The following FMN1 variants were observed in gnomAD, a reference collection of about 807,000 sequenced individuals.
The protein encoded by FMN1 is formin-1.
A neutral mutation model predicts 132.4 loss-of-function variants in FMN1; 110 were observed. That is an observed-to-expected ratio of 0.83 (90% CI 0.71 to 0.97). The LOEUF (loss-of-function observed/expected upper bound fraction) is 0.97, where lower values mean the gene tolerates loss of function less well. FMN1 is among the 50% of genes least tolerant of loss of function. The pLI, the probability that FMN1 is intolerant of heterozygous loss-of-function variation, is 0.00. For synonymous variants in FMN1, 722 were observed against 651.7 expected (o/e 1.11, Z -1.64); for missense variants, 1,792 against 1,705.3 (o/e 1.05, Z -0.90).
intron 9 of FMN1, among the ~76,000 whole-genome samples, chr15:32,947,878 AT>A (rs1394899837): frequency 3.9e-5 from 6 of 151,962 alleles, no homozygotes; most frequent in Non-Finnish European, 8.8e-5. Context: ...GTCAATACAG[AT>A]TTTCTATGCT....
chr15:32,941,091 G>T (rs2061391816), intron 9 of FMN1, among the ~76,000 whole-genome samples: 1 of 152,096 alleles, frequency 6.6e-6, no homozygotes, highest in Admixed American at 6.6e-5. Flanking sequence ...AAATCAAGCT[G>T]CAGGAACCAA....
intron 17 of FMN1, among the ~76,000 whole-genome samples, chr15:32,815,529 T>C (rs1215690713): frequency 6.6e-6 from 1 of 152,202 alleles, no homozygotes; most frequent in African/African-American, 2.4e-5. Flanking sequence ...TTGAAAACTA[T>C]GGAGCTATAC....
At chr15:33,001,895 A>C (rs1267482150) in intron 7 of FMN1, among the ~76,000 whole-genome samples, 2 of 151,762 alleles carry the variant, frequency 1.3e-5, no homozygotes, top group Non-Finnish European at 2.9e-5. Flanking sequence ...TGGAATAAAA[A>C]CCCTAAGCTC....
At position 32,772,453 on chromosome 15, in the gene FMN1, C is replaced by T. The variant is rs28696324; in HGVS notation, c.*1857G>A. 0.57 allele frequency: 86,075 copies of T among 152,036 alleles called. 24,783 individuals carry two copies. The highest frequency in any genetic ancestry group is 0.77 in the East Asian group (3,974 of 5,176). 9.4% of individuals were successfully genotyped at this position (152,036 alleles called of 1,614,324 possible). A position where few individuals can be genotyped will look rare whatever the true frequency, so the allele number is the denominator to read the frequency against. ...AGCATACAATGGTTATAAGTGGAAT[C>T]AGTTTTTAATTGATCCGTTCTTTTG... On this transcript the variant is annotated 3_prime_UTR_variant, in exon 21 of 21. Coordinates refer to ENST00000616417, the MANE Select transcript of FMN1 (RefSeq NM_001277313.2).
chr15:33,157,221 C>T lies in FMN1; in HGVS notation c.-131-2176G>A, dbSNP rs547510939. Reference sequence around the variant, plus strand: ...CCAAGGTTGCAGTGAGCTGACATCGCGCCACTGCACTCCAGCCTGGTGACA... The same window carrying T: ...CCAAGGTTGCAGTGAGCTGACATCGTGCCACTGCACTCCAGCCTGGTGACA... On this transcript the variant is annotated intron_variant, in intron 3 of 20. Coordinates refer to ENST00000616417, the MANE Select transcript of FMN1 (RefSeq NM_001277313.2). Among the ~76,000 whole-genome samples the T allele has an allele frequency of 2.7e-3, 398 of 149,414 alleles. 2 individuals are homozygous for T. The highest frequency in any genetic ancestry group is 9.2e-3 in the African/African-American group (373 of 40,500).
chr15:32,993,078 C>G (rs980141338), intron 7 of FMN1, among the ~76,000 whole-genome samples: 1 of 152,292 alleles, frequency 6.6e-6, no homozygotes, highest in Middle Eastern at 3.4e-3. Context: ...CTCCTAGGGA[C>G]AATGCCTTGT....
In FMN1 at chr15:32,776,857, T is replaced by C. The variant is rs1238446144; in HGVS notation, c.4193A>G (p.Lys1398Arg). 1 of 1,593,468 alleles carries C rather than the reference T, an allele frequency of 6.3e-7. No individual in the cohort carries two copies. Among genetic ancestry groups the C allele is most frequent in the Non-Finnish European group, 8.6e-7 (1 of 1,167,332 alleles). ...LTSEKKVETK[K>R]INPTASLKER... ...CACCAGGCTAGCAGTGGGATTGATT[T>C]TCTTTGTCTCCACTTTCTTCTCTGA... Residue 1398 changes from lysine (K) to arginine (R), a missense_variant, in exon 20 of 21, where the codon AAA (lysine) becomes AGA (arginine). Transcript: ENST00000616417.
At chr15:33,115,257 G>A (rs759543752) in intron 4 of FMN1, among the ~76,000 whole-genome samples, 25 of 152,166 alleles carry the variant, frequency 1.6e-4, no homozygotes, top group Non-Finnish European at 3.5e-4. Context: ...TATAAGGAGG[G>A]TGGGAGGCTA....
chr15:33,041,720 A>C (rs1019884002), intron 6 of FMN1, among the ~76,000 whole-genome samples: 3 of 152,146 alleles, frequency 2.0e-5, no homozygotes, highest in Non-Finnish European at 2.9e-5. Flanking sequence ...AGTGTTGTCA[A>C]GGATATGAAA....
At chr15:33,098,863 T>C (rs568568841) in intron 4 of FMN1, among the ~76,000 whole-genome samples, 2 of 152,188 alleles carry the variant, frequency 1.3e-5, no homozygotes, top group Admixed American at 6.5e-5. Flanking sequence ...AGGCCTAAGG[T>C]TGGTAAGGGC....
At chr15:32,932,893 A>G (rs1238183823) in intron 9 of FMN1, among the ~76,000 whole-genome samples, 2 of 151,982 alleles carry the variant, frequency 1.3e-5, no homozygotes, top group African/African-American at 2.4e-5. Flanking sequence ...TCCTTAATTT[A>G]GCTAATGATT....
chr15:33,046,649 T>A (rs973100465), intron 6 of FMN1, among the ~76,000 whole-genome samples: 1 of 152,112 alleles, frequency 6.6e-6, no homozygotes, highest in Non-Finnish European at 1.5e-5. Flanking sequence ...AGAGCTATGG[T>A]ATGGCAAACA....
Position 33,190,656 on chromosome 15 carries a change from C to A in FMN1, c.-197+3253G>T, listed in dbSNP as rs140955966. Among the ~76,000 whole-genome samples, 578 of 152,256 alleles carry A rather than the reference C, an allele frequency of 3.8e-3. 4 individuals carry two copies. Among genetic ancestry groups the A allele is most frequent in the African/African-American group, 0.013 (537 of 41,542 alleles). On this transcript the variant is annotated intron_variant, in intron 2 of 20. Coordinates refer to ENST00000616417, the MANE Select transcript of FMN1 (RefSeq NM_001277313.2). ...ATTTCTAGACTACTAGTCTTCAGAT[C>A]GTATCATGTTCTCTGAGCTTCTTTA...
In FMN1 at chr15:32,823,846, T is replaced by C. The variant is rs77312922; in HGVS notation, c.3929-19514A>G. 9.8e-3 allele frequency among the ~76,000 whole-genome samples: 1,495 copies of C among 152,316 alleles called. 18 individuals are homozygous for C. Among genetic ancestry groups the C allele is most frequent in the Non-Finnish European group, 0.013 (904 of 68,024 alleles). On this transcript the variant is annotated intron_variant, in intron 17 of 20. Coordinates refer to ENST00000616417, the MANE Select transcript of FMN1 (RefSeq NM_001277313.2). ...CAGAATGCTTCGTGGGTAACTTTCA[T>C]ATTCGAAAAGTATTCTTCACAGAAC...
At chr15:33,046,773 G>C (rs2036705529) in intron 6 of FMN1, among the ~76,000 whole-genome samples, 1 of 152,152 alleles carries the variant, frequency 6.6e-6, no homozygotes, top group Admixed American at 6.5e-5. Context: ...CAAACTGGTT[G>C]AATGAATGGT....
At chr15:32,961,956 G>A (rs969421347) in intron 9 of FMN1, among the ~76,000 whole-genome samples, 8 of 152,006 alleles carry the variant, frequency 5.3e-5, no homozygotes, top group African/African-American at 7.3e-5. Flanking sequence ...AGAAGCCACC[G>A]TCATAATGAG....
At chr15:32,988,049 G>GTTTTTTTTTTTT (rs10573409) in intron 7 of FMN1, among the ~76,000 whole-genome samples, 11 of 118,164 alleles carry the variant, frequency 9.3e-5, no homozygotes, top group Admixed American at 9.5e-5. Flanking sequence ...TGTCTCTCCA[G>GTTTTTTTTTTTT]TTTTTTTTTT....
chr15:33,154,165 A>G lies in FMN1; in HGVS notation c.750T>C (p.Phe250=). 6.5e-7 allele frequency: 1 copy of G among 1,536,384 alleles called. No individual in the cohort carries two copies. The highest frequency in any genetic ancestry group is 8.7e-7 in the Non-Finnish European group (1 of 1,146,994). Residue 250 remains phenylalanine, a synonymous_variant, in exon 4 of 21, where the codon TTT becomes TTC. Transcript: ENST00000616417. ...CCTTGAAAGCCGTCTCAAAGCTCCC[A>G]AAGCCAAGGTCTGTGTCTGGCGTCT... The part of the protein sequence containing the change: ...IPKTPDTDLG[F]GSFETAFKDT...
At chr15:33,051,825 C>T (rs143003547) in intron 6 of FMN1, among the ~76,000 whole-genome samples, 5 of 152,260 alleles carry the variant, frequency 3.3e-5, no homozygotes, top group South Asian at 2.1e-4. Flanking sequence ...GGGAGAAGGA[C>T]GCAAGACCCC....
Sources: gnomAD v4.1 joint callset for allele counts (sites outside exome capture counted in the v4.1 genomes callset) on GRCh38, gnomAD v4.1.1 for gene constraint, MANE v1.5 for transcripts, NCBI Gene and HGNC (gene_info 2026-07-23, HGNC 2026-07-21) for gene names.